The following METTL21A variants were observed in gnomAD, a reference collection of about 807,000 sequenced individuals.
The protein encoded by METTL21A is protein N-lysine methyltransferase METTL21A.
METTL21A carries 22 observed loss-of-function variants against 20.9 expected under a neutral mutation model. That is an observed-to-expected ratio of 1.05 (90% CI 0.75 to 1.50). The LOEUF is 1.50. Ranked by LOEUF, METTL21A falls within the 40% of genes most tolerant of loss-of-function variation. The pLI is 0.00. For synonymous variants in METTL21A, 93 were observed against 102.0 expected, an observed-to-expected ratio of 0.91 and a Z score of 0.53; for missense variants, 271 against 266.8, an observed-to-expected ratio of 1.02 and a Z score of -0.11.
In METTL21A at chr2:207,613,075, G is replaced by A; in HGVS notation, c.628C>T (p.Gln210Ter). Residue 210 changes from glutamine (Q) to a stop codon, truncating the protein, a stop_gained, in exon 4 of 4, where the codon CAG becomes TAG. Coordinates refer to ENST00000406927, the Ensembl canonical transcript of METTL21A. LOFTEE classifies it high-confidence loss of function. ...AAGTCCTCCTTCTGGTTTCTCTTCT[G>A]TGCTTCGTAAATATGTACATCTTTT... is the stretch of plus-strand genomic sequence containing the variant. 3.2e-6 allele frequency: 5 copies of A among 1,580,170 alleles called. No homozygotes were observed. The highest frequency in any genetic ancestry group is 4.3e-6 in the Non-Finnish European group (5 of 1,165,794).
chr2:207,625,749 G>C (rs1332508991), upstream of METTL21A: 3 of 152,344 alleles, frequency 2.0e-5, no homozygotes, highest in Non-Finnish European at 4.4e-5. Context: ...TTTGTCGCTT[G>C]CGCGTTGTGC....
chr2:207,587,074 C>T (rs752433069), intron 3 of METTL21A, among the ~76,000 whole-genome samples: 11 of 152,076 alleles, frequency 7.2e-5, no homozygotes, highest in African/African-American at 2.4e-4. Context: ...GCAGCCATTA[C>T]GGAAAACGGT....
chr2:207,605,827 T>G (rs182864324), downstream of METTL21A, among the ~76,000 whole-genome samples: 1 of 152,356 alleles, frequency 6.6e-6, no homozygotes. Context: ...GAAGTAAAAG[T>G]TATTTCTGAA....
intron 2 of METTL21A, among the ~76,000 whole-genome samples, chr2:207,623,782 A>AT: frequency 6.6e-6 from 1 of 152,152 alleles, no homozygotes; most frequent in South Asian, 2.1e-4. Context: ...GAACCCAGGA[A>AT]GCGGAGGCTG....
In METTL21A at chr2:207,590,253, TGGGATGTCAGTA is replaced by T. The variant is rs1287214034; in HGVS notation, c.260-8105_260-8094del. Among the ~76,000 whole-genome samples, 4 of 152,040 alleles carry T rather than the reference TGGGATGTCAGTA, an allele frequency of 2.6e-5. No homozygotes were observed. In the East Asian group the frequency reaches 5.8e-4, roughly 22 times the overall value. On this transcript the variant is annotated intron_variant, in intron 3 of 3. Coordinates refer to the METTL21A transcript ENST00000425132. ...GTTAGTTTATTATTCTTTTACTGTA[TGGGATGTCAGTA>T]GGGATGTCCCCCCGCTTCATTCCTA...
rs773016504 is a variant in METTL21A at position 207,621,821 on chromosome 2, C to T, written c.244G>A (p.Val82Met). Residue 82 changes from valine (V) to methionine (M), a missense_variant, in exon 3 of 4, where the codon GTG becomes ATG. Val to Met is a conservative substitution (Grantham distance 21, BLOSUM62 1). Coordinates refer to ENST00000406927, the Ensembl canonical transcript of METTL21A. ...TGACACTCACCCAGCAGGGCAGCCACTATGCCCACCAGCCCCGTGCCAGCA... is the reference window on the plus strand; with the variant it reads ...TGACACTCACCCAGCAGGGCAGCCATTATGCCCACCAGCCCCGTGCCAGCA... 6.8e-6 allele frequency: 11 copies of T among 1,613,972 alleles called. No homozygotes were observed. The Admixed American group carries it at 1.3e-4, about 20-fold the overall frequency.
At chr2:207,617,279 AAC>A (rs2089900461) in intron 3 of METTL21A, among the ~76,000 whole-genome samples, 2 of 152,362 alleles carry the variant, frequency 1.3e-5, no homozygotes, top group East Asian at 3.9e-4. Context: ...GAGACACATA[AAC>A]ACAGTTGTGA....
rs139123873 is a variant in METTL21A at position 207,603,901 on chromosome 2, G to A, written c.259+17905C>T. Among the ~76,000 whole-genome samples, 588 of 152,298 alleles carry A rather than the reference G, an allele frequency of 3.9e-3. 3 individuals are homozygous for A. Among genetic ancestry groups the A allele is most frequent in the Middle Eastern group, 0.014 (4 of 294 alleles). ...TAACTTCTGAAATAAGTTCTGAGAC[G>A]AGACATCTGAAAATAAGCAGCTGCA... On this transcript the variant is annotated intron_variant, in intron 3 of 3. Transcript: ENST00000425132.
intron 3 of METTL21A, among the ~76,000 whole-genome samples, chr2:207,588,438 A>G (rs1308910266): frequency 1.3e-5 from 2 of 152,104 alleles, no homozygotes; most frequent in Non-Finnish European, 2.9e-5. Context: ...AGTTCTGTAT[A>G]ATAAGTCTTG....
At chr2:207,608,912 C>T (rs933880981), downstream of METTL21A, among the ~76,000 whole-genome samples, 9 of 152,170 alleles carry the variant, frequency 5.9e-5, no homozygotes, top group Non-Finnish European at 8.8e-5. Context: ...GGTGACAGAG[C>T]GAATATGCAT....
intron 3 of METTL21A, chr2:207,598,491 A>G (rs2086536994): frequency 5.7e-6 from 1 of 176,372 alleles, no homozygotes; most frequent in Admixed American, 6.4e-5. Context: ...ACTCTTAAAA[A>G]AAAAAAAAAA....
intron 3 of METTL21A, among the ~76,000 whole-genome samples, chr2:207,585,212 AC>A (rs1355205518): frequency 6.6e-6 from 1 of 152,202 alleles, no homozygotes; most frequent in Non-Finnish European, 1.5e-5. Context: ...GTGTCCACAT[AC>A]CAGCCAACCT....
chr2:207,593,797 C>CA (rs1459683565), intron 3 of METTL21A, among the ~76,000 whole-genome samples: 2 of 149,456 alleles, frequency 1.3e-5, no homozygotes, highest in African/African-American at 4.9e-5. Context: ...TGGCTCACTG[C>CA]AATCTCTGCC....
intron 1 of METTL21A, 51 bp from the exon 2 acceptor site, chr2:207,624,455 C>G: frequency 1.4e-6 from 2 of 1,423,570 alleles, no homozygotes; most frequent in South Asian, 1.5e-5. Flanking sequence ...GATACATTAT[C>G]TGTTCTTAAC....
At chr2:207,596,959 A>G (rs747166776) in intron 3 of METTL21A, 6 of 1,612,702 alleles carry the variant, frequency 3.7e-6, no homozygotes, top group East Asian at 4.5e-5. Flanking sequence ...AATATGTGAA[A>G]TGTTTAGAAA....
intron 3 of METTL21A, among the ~76,000 whole-genome samples, chr2:207,585,311 G>A (rs962571645): frequency 3.3e-5 from 5 of 152,112 alleles, no homozygotes; most frequent in Non-Finnish European, 5.9e-5. Context: ...TGCCATGAGA[G>A]AATCATAGAT....
At chr2:207,619,021 T>C (rs563657248) in intron 3 of METTL21A, among the ~76,000 whole-genome samples, 11 of 152,256 alleles carry the variant, frequency 7.2e-5, no homozygotes, top group Admixed American at 1.3e-4. Context: ...AAGGGCGCTA[T>C]AAGTAGGTAA....
chr2:207,615,416 G>A (rs2089558858), intron 3 of METTL21A, among the ~76,000 whole-genome samples: 1 of 151,862 alleles, frequency 6.6e-6, no homozygotes. Flanking sequence ...AACAACTTTA[G>A]GCCAGGCGTG....
At chr2:207,618,656 C>T (rs2361239) in intron 3 of METTL21A, among the ~76,000 whole-genome samples, 46,981 of 151,614 alleles carry the variant, frequency 0.31, 7,677 homozygotes, top group South Asian at 0.5. Context: ...TGAAGTGAGC[C>T]GAGATCGCAC....
Sources: gnomAD v4.1 joint callset for allele counts (sites outside exome capture counted in the v4.1 genomes callset) on GRCh38, gnomAD v4.1.1 for gene constraint, MANE v1.5 for transcripts, NCBI Gene and HGNC (gene_info 2026-07-23, HGNC 2026-07-21) for gene names.